PCDHA2: variants seen among roughly 807,000 people sequenced by gnomAD.
The protein encoded by PCDHA2 is protocadherin alpha-2.
A neutral mutation model predicts 66.0 loss-of-function variants in PCDHA2; 58 were observed. The ratio of observed to expected loss-of-function variants is 0.88; its 90% CI spans 0.71 to 1.09. The LOEUF (loss-of-function observed/expected upper bound fraction) is 1.09. Ranked by LOEUF, PCDHA2 falls within the 50% of genes least tolerant of loss-of-function variation. The pLI, the probability that PCDHA2 is intolerant of heterozygous loss-of-function variation, is 0.00. For synonymous variants in PCDHA2, 634 were observed against 554.0 expected, an observed-to-expected ratio of 1.14 and a Z score of -2.03; for missense variants, 1,267 against 1,242.3, an observed-to-expected ratio of 1.02 and a Z score of -0.30.
intron 1 of PCDHA2, among the ~76,000 whole-genome samples, chr5:140,921,577 A>G (rs1248608945): frequency 6.6e-6 from 1 of 152,242 alleles, no homozygotes; most frequent in African/African-American, 2.4e-5. Context: ...AGTAGAGCTC[A>G]TACTATATTA....
intron 3 of PCDHA2, among the ~76,000 whole-genome samples, chr5:141,007,112 G>A (rs1554261059): frequency 6.6e-6 from 1 of 152,170 alleles, no homozygotes; most frequent in African/African-American, 2.4e-5. Flanking sequence ...ACCCAAGGAA[G>A]CTTCAACACA....
At chr5:140,802,692 G>A (rs1268823463) in intron 1 of PCDHA2, 2 of 1,612,888 alleles carry the variant, frequency 1.2e-6, no homozygotes, top group Middle Eastern at 3.7e-4. Flanking sequence ...GGAACGGCGG[G>A]TGGGGGAGCG....
In PCDHA2 at chr5:140,923,298, C is replaced by T. The variant is rs1039610789; in HGVS notation, c.2389-55651C>T. ...TACAAAAAATTAAAAATTAGCTGGG[C>T]GTGGGGGCGCTTGGCCTAGAAGTTC... On this transcript the variant is annotated intron_variant, in intron 1 of 3. Transcript: ENST00000526136. Among the ~76,000 whole-genome samples, 28 of 152,160 alleles carry T rather than the reference C, an allele frequency of 1.8e-4. 1 individual carries two copies. The highest frequency in any genetic ancestry group is 4.8e-4 in the African/African-American group (20 of 41,504).
intron 3 of PCDHA2, among the ~76,000 whole-genome samples, chr5:141,002,340 TTC>T (rs1554258614): frequency 5.3e-4 from 81 of 152,342 alleles, no homozygotes; most frequent in African/African-American, 1.9e-3. Flanking sequence ...TCCGCACCCC[TTC>T]CCCCACCTCC....
rs1336398509 is a variant in PCDHA2 at position 140,898,765 on chromosome 5, G to A, written c.2389-80184G>A. On this transcript the variant is annotated intron_variant, in intron 1 of 3. Transcript: ENST00000526136. ...GCTTGATGGGGATGGCATTGAATCT[G>A]TAAATTACCTTGGGCAGTATGGCCA... 8.0e-3 allele frequency among the ~76,000 whole-genome samples: 1,218 copies of A among 151,752 alleles called. 6 individuals are homozygous for A. The highest frequency in any genetic ancestry group is 0.019 in the African/African-American group (786 of 41,220).
intron 1 of PCDHA2, among the ~76,000 whole-genome samples, chr5:140,900,040 G>A (rs1407235485): frequency 4.6e-5 from 7 of 152,046 alleles, no homozygotes; most frequent in Non-Finnish European, 8.8e-5. Flanking sequence ...GAATTCCTGG[G>A]CTCAAGTGAT....
rs1554119195 is a variant in PCDHA2, at chr5:140,794,931, T to C, written c.-34T>C. ...ATATTTAAATTTTTGCAAAACATGC[T>C]CTTCTAATTTGATCAAAACATTGAG... On this transcript the variant is annotated 5_prime_UTR_variant, in exon 1 of 4. Coordinates refer to ENST00000526136, the MANE Select transcript of PCDHA2 (RefSeq NM_018905.3). The C allele has an allele frequency of 6.4e-7, 1 of 1,561,502 alleles. No homozygotes were observed. The highest frequency in any genetic ancestry group is 1.2e-5 in the South Asian group (1 of 83,996).
intron 1 of PCDHA2, among the ~76,000 whole-genome samples, chr5:140,959,833 T>C (rs539062460): frequency 1.3e-5 from 2 of 152,366 alleles, no homozygotes; most frequent in East Asian, 3.9e-4. Context: ...TAATGTATTA[T>C]GCCTGTAACT....
At chr5:140,944,642 T>C (rs535941591) in intron 1 of PCDHA2, among the ~76,000 whole-genome samples, 35 of 152,342 alleles carry the variant, frequency 2.3e-4, no homozygotes, top group African/African-American at 7.9e-4. Context: ...CCAGTGTGGA[T>C]TGGGAGTCCA....
At chr5:140,823,300 G>A in intron 1 of PCDHA2, 4 of 1,612,472 alleles carry the variant, frequency 2.5e-6, no homozygotes, top group Non-Finnish European at 3.4e-6. Context: ...TTACGTTTCG[G>A]TGCACGCGGA....
chr5:140,875,265 T>C, intron 1 of PCDHA2: 1 of 1,201,060 alleles, frequency 8.3e-7, no homozygotes, highest in Admixed American at 3.0e-5. Flanking sequence ...GATGTCGCTC[T>C]ACACTCAGAA....
chr5:141,007,181 G>A (rs372000063), intron 3 of PCDHA2, among the ~76,000 whole-genome samples: 1 of 152,134 alleles, frequency 6.6e-6, no homozygotes, highest in East Asian at 1.9e-4. Context: ...AAGGTCAGGA[G>A]AATGTTTTGA....
At chr5:140,823,596 G>A (rs2150127281) in intron 1 of PCDHA2, 38 of 1,613,902 alleles carry the variant, frequency 2.4e-5, no homozygotes, top group South Asian at 1.1e-5. Flanking sequence ...CTTGGCTTTC[G>A]TATGAGCTGC....
At chr5:140,823,937 G>A (rs2150130560) in intron 1 of PCDHA2, 19 of 1,613,788 alleles carry the variant, frequency 1.2e-5, no homozygotes, top group Middle Eastern at 1.6e-4. Context: ...ACCGCGCTGC[G>A]GTGCTCGGCG....
chr5:140,880,801 GAA>G (rs1193515493), intron 1 of PCDHA2, among the ~76,000 whole-genome samples: 5 of 152,182 alleles, frequency 3.3e-5, no homozygotes, highest in African/African-American at 1.2e-4. Flanking sequence ...ATAAATAGGT[GAA>G]TGACTCTAGA....
chr5:140,916,559 G>C (rs1170876334), intron 1 of PCDHA2, among the ~76,000 whole-genome samples: 2 of 152,224 alleles, frequency 1.3e-5, no homozygotes, highest in African/African-American at 4.8e-5. Flanking sequence ...TATTTGTCCA[G>C]GGTGTGTCTA....
chr5:140,797,067 C>A lies in PCDHA2; in HGVS notation c.2103C>A (p.Ile701=), dbSNP rs1554120285. The change falls in exon 1 of 4, where the codon ATC becomes ATA. Residue 701 remains isoleucine (I), a synonymous_variant. Transcript: ENST00000526136. ...TGGTGGATGTCAACGTGTACCTGAT[C>A]ATCGCCATCTGCGCGGTATCCAGCC... ...ATLVDVNVYL[I]IAICAVSSLL... The A allele has an allele frequency of 1.2e-6, 2 of 1,613,864 alleles. No individual in the cohort carries two copies. The highest frequency in any genetic ancestry group is 1.7e-6 in the Non-Finnish European group (2 of 1,179,970).
Position 140,795,489 on chromosome 5 carries a change from T to C in PCDHA2, c.525T>C (p.Ser175=), listed in dbSNP as rs781923576. The C allele has an allele frequency of 1.9e-6, 3 of 1,614,090 alleles. No homozygotes were observed. The highest frequency in any genetic ancestry group is 2.5e-6 in the Non-Finnish European group (3 of 1,180,018). ...TTCTCTCCTACAAGCTCAGCTCCAG[T>C]GAGTTTTTCTTCCTAGATATACAGG... The part of the protein sequence containing the change: ...NALLSYKLSS[S]EFFFLDIQAN... The change falls in exon 1 of 4, where the codon AGT becomes AGC. Residue 175 remains serine, a synonymous_variant. Coordinates refer to ENST00000526136, the MANE Select transcript of PCDHA2 (RefSeq NM_018905.3).
In PCDHA2 at chr5:140,841,333, C is replaced by G; in HGVS notation, c.2388+43981C>G. The G allele has an allele frequency of 1.9e-6, 3 of 1,605,502 alleles. 1 individual carries two copies. Among genetic ancestry groups the G allele is most frequent in the Non-Finnish European group, 2.6e-6 (3 of 1,175,392 alleles). ...AACGACTATTTAACATGGATTATCA[C>G]TGGCGAGGAGAGCTGGGATCCTGGC... is the stretch of plus-strand genomic sequence containing the variant. On this transcript the variant is annotated intron_variant, in intron 1 of 3. Transcript: ENST00000526136.
Sources: gnomAD v4.1 joint callset for allele counts (sites outside exome capture counted in the v4.1 genomes callset) on GRCh38, gnomAD v4.1.1 for gene constraint, MANE v1.5 for transcripts, NCBI Gene and HGNC (gene_info 2026-07-23, HGNC 2026-07-21) for gene names.